The following WDR59 variants were observed in gnomAD, a reference collection of about 807,000 sequenced individuals.
The protein encoded by WDR59 is GATOR2 complex protein WDR59.
A neutral mutation model predicts 131.2 loss-of-function variants in WDR59; 100 were observed. The ratio of observed to expected loss-of-function variants is 0.76; its 90% CI spans 0.65 to 0.90. The LOEUF (loss-of-function observed/expected upper bound fraction) is 0.90. WDR59 is among the 40% of genes least tolerant of loss of function. The pLI, the probability that WDR59 is intolerant of heterozygous loss-of-function variation, is 0.00. For missense variants in WDR59, 1,203 were observed against 1,262.2 expected, an observed-to-expected ratio of 0.95 and a Z score of 0.71; for synonymous variants, 601 against 466.2, an observed-to-expected ratio of 1.29 and a Z score of -3.72.
At chr16:74,942,442 T>G (rs536625205) in intron 7 of WDR59, among the ~76,000 whole-genome samples, 1 of 152,128 alleles carries the variant, frequency 6.6e-6, no homozygotes, top group Non-Finnish European at 1.5e-5. Context: ...TGTCTTTATT[T>G]TGAAGGAAAC....
chr16:74,876,544 T>C (rs970959966), intron 25 of WDR59, among the ~76,000 whole-genome samples: 7 of 152,220 alleles, frequency 4.6e-5, no homozygotes, highest in African/African-American at 1.7e-4. Context: ...CACAGTATCA[T>C]TAATAATTGT....
intron 1 of WDR59, among the ~76,000 whole-genome samples, chr16:74,976,645 G>A (rs1597823495): frequency 6.6e-6 from 1 of 152,054 alleles, no homozygotes; most frequent in Admixed American, 6.6e-5. Context: ...GTTTCACTGT[G>A]TTAGCCAGGA....
intron 1 of WDR59, among the ~76,000 whole-genome samples, chr16:74,984,152 C>T (rs2034533974): frequency 6.6e-6 from 1 of 152,160 alleles, no homozygotes; most frequent in East Asian, 1.9e-4. Context: ...TGGTGCGCAC[C>T]TGTAATCCCA....
chr16:74,916,337 T>C (rs1567717010), intron 11 of WDR59, 78 bp from the exon 12 acceptor site: 1 of 1,582,504 alleles, frequency 6.3e-7, no homozygotes, highest in Non-Finnish European at 8.7e-7. Flanking sequence ...GAGTTCTGAC[T>C]TAAAAATGGG....
chr16:74,910,159 G>A (rs563890147), intron 14 of WDR59, among the ~76,000 whole-genome samples: 1 of 151,960 alleles, frequency 6.6e-6, no homozygotes, highest in South Asian at 2.1e-4. Flanking sequence ...GTAGAGAAGG[G>A]GTTTCACCAT....
At chr16:74,947,901 G>A (rs1382547684) in intron 6 of WDR59, among the ~76,000 whole-genome samples, 1 of 152,032 alleles carries the variant, frequency 6.6e-6, no homozygotes, top group East Asian at 1.9e-4. Context: ...TGAAACCTGT[G>A]TCTACTAAAA....
chr16:74,982,845 A>T (rs11866591), intron 1 of WDR59, among the ~76,000 whole-genome samples: 11,598 of 152,058 alleles, frequency 0.076, 588 homozygotes, highest in African/African-American at 0.14. Flanking sequence ...TCCTCCACTC[A>T]CTCATTCTCC....
At chr16:74,881,740 G>T (rs1029570918) in intron 25 of WDR59, among the ~76,000 whole-genome samples, 3 of 151,768 alleles carry the variant, frequency 2.0e-5, no homozygotes, top group Non-Finnish European at 4.4e-5. Flanking sequence ...GGGCGTAGTG[G>T]CACATGCCTG....
At chr16:74,932,657 T>C (rs1300617691) in intron 8 of WDR59, among the ~76,000 whole-genome samples, 1 of 151,738 alleles carries the variant, frequency 6.6e-6, no homozygotes, top group African/African-American at 2.4e-5. Flanking sequence ...CCAAGGTAAT[T>C]TGTTTATTTT....
At chr16:74,905,398 T>C (rs1380713953) in intron 17 of WDR59, among the ~76,000 whole-genome samples, 2 of 125,614 alleles carry the variant, frequency 1.6e-5, no homozygotes, top group African/African-American at 6.1e-5. Context: ...ATAAAATAAA[T>C]AGGCCGGGCA....
chr16:74,968,169 G>C (rs2033848219), intron 1 of WDR59, among the ~76,000 whole-genome samples: 1 of 152,146 alleles, frequency 6.6e-6, no homozygotes, highest in South Asian at 2.1e-4. Flanking sequence ...TGGGTACAGA[G>C]CTCCTATTTG....
chr16:74,956,679 C>T, intron 2 of WDR59, 69 bp from the exon 3 acceptor site: 2 of 1,559,120 alleles, frequency 1.3e-6, no homozygotes, highest in Non-Finnish European at 1.7e-6. Flanking sequence ...TAGAAAAGCA[C>T]AATTGGAATT....
chr16:74,899,491 A>G (rs1965446143), intron 18 of WDR59, among the ~76,000 whole-genome samples: 2 of 152,292 alleles, frequency 1.3e-5, no homozygotes, highest in African/African-American at 4.8e-5. Flanking sequence ...ATCCCTGACA[A>G]TATTAGCCAT....
At chr16:74,955,726 A>C (rs1369490693) in intron 3 of WDR59, among the ~76,000 whole-genome samples, 1 of 152,110 alleles carries the variant, frequency 6.6e-6, no homozygotes. Flanking sequence ...ACAGACTGAG[A>C]CAGACTGCAC....
At chr16:74,966,000 A>G (rs4887797) in intron 1 of WDR59, among the ~76,000 whole-genome samples, 178 bp from the exon 2 acceptor site, 54,422 of 151,894 alleles carry the variant, frequency 0.36, 10,198 homozygotes, top group East Asian at 0.59. Flanking sequence ...CCAATTCCAC[A>G]TTCACTTTTT....
rs2034408176 is a variant in WDR59 at position 74,981,617 on chromosome 16, T to C, written c.54+3347A>G. ...TAGACAATACATATACATTTACATA[T>C]ATATATATATATATATATATATATA... On this transcript the variant is annotated intron_variant, in intron 1 of 25. Coordinates refer to ENST00000262144, the MANE Select transcript of WDR59 (RefSeq NM_030581.4). 1.9e-3 allele frequency among the ~76,000 whole-genome samples: 2 copies of C among 1,026 alleles called. 1 individual carries two copies. The highest frequency in any genetic ancestry group is 9.4e-3 in the Non-Finnish European group (2 of 212). 0.7% of individuals were successfully genotyped at this position (1,026 alleles called of 152,430 possible). A position where few individuals can be genotyped will look rare whatever the true frequency, so the allele number is the denominator to read the frequency against.
At position 74,956,597 on chromosome 16, in the gene WDR59, A is replaced by G. The variant is rs545525561; in HGVS notation, c.118T>C (p.Tyr40His). 8.1e-6 allele frequency: 13 copies of G among 1,614,076 alleles called. No individual in the cohort carries two copies. Among genetic ancestry groups the G allele is most frequent in the South Asian group, 2.2e-5 (2 of 91,046 alleles). ...HAVLSGRRFL[Y>H]IVNLDAPFEG... ...AAAGGGGCATCTAGATTGACGATGT[A>G]TAAGAATCTGCGGCTAGAGACCAAC... Residue 40 changes from tyrosine to histidine, a missense_variant, in exon 3 of 26, where the codon TAC becomes CAC. Coordinates refer to ENST00000262144, the MANE Select transcript of WDR59 (RefSeq NM_030581.4).
chr16:74,960,659 C>T (rs939534887), intron 2 of WDR59, among the ~76,000 whole-genome samples: 1 of 150,416 alleles, frequency 6.6e-6, no homozygotes, highest in South Asian at 2.1e-4. Flanking sequence ...GCATGAAAAT[C>T]GCTTGAACCC....
chr16:74,932,794 T>TAAAC (rs2031503297), intron 8 of WDR59, among the ~76,000 whole-genome samples: 2 of 152,144 alleles, frequency 1.3e-5, no homozygotes, highest in African/African-American at 4.8e-5. Context: ...CAGTCTTGAT[T>TAAAC]GTTTATTGAT....
Sources: allele counts gnomAD v4.1 joint callset (sites outside exome capture counted in the v4.1 genomes callset), GRCh38; gene constraint gnomAD v4.1.1; transcripts MANE v1.5; gene names NCBI Gene and HGNC (gene_info 2026-07-23, HGNC 2026-07-21).